The following ITIH2 variants were observed in gnomAD, a reference collection of about 807,000 sequenced individuals.
ITIH2 encodes inter-alpha-trypsin inhibitor heavy chain H2.
ITIH2 carries 103 observed loss-of-function variants against 104.4 expected under a neutral mutation model. The observed-to-expected ratio is 0.99, with a 90% CI of 0.84 to 1.16. The LOEUF (loss-of-function observed/expected upper bound fraction) is 1.16, where lower values mean the gene tolerates loss of function less well. ITIH2 is among the 50% of genes most tolerant of loss of function. The pLI, the probability that ITIH2 is intolerant of heterozygous loss-of-function variation, is 0.00. For synonymous variants in ITIH2, 436 were observed against 435.4 expected, an observed-to-expected ratio of 1.00 and a Z score of -0.02; for missense variants, 1,108 against 1,162.4, an observed-to-expected ratio of 0.95 and a Z score of 0.68.
intron 2 of ITIH2, among the ~76,000 whole-genome samples, chr10:7,706,629 C>A (rs1352015865): frequency 6.6e-6 from 1 of 152,142 alleles, no homozygotes; most frequent in East Asian, 1.9e-4. Context: ...CATTATGAAA[C>A]AAGGTGAGCA....
chr10:7,735,015 G>C lies in ITIH2; in HGVS notation c.1881G>C (p.Ser627=). ...ACCACATTGTGACTCCGCTGACCTC[G>C]CTGGTGATCGAGAACGAGGCTGGGG... The part of the protein sequence containing the change: ...LDHHIVTPLT[S]LVIENEAGDE... Residue 627 remains serine, a synonymous_variant, in exon 15 of 21, where the codon TCG becomes TCC. Coordinates refer to ENST00000358415, the MANE Select transcript of ITIH2 (RefSeq NM_002216.3). The C allele has an allele frequency of 6.2e-7, 1 of 1,613,704 alleles. No individual in the cohort carries two copies. Among genetic ancestry groups the C allele is most frequent in the Non-Finnish European group, 8.5e-7 (1 of 1,180,024 alleles).
chr10:7,717,847 A>T (rs929312705), intron 6 of ITIH2, 59 bp downstream of exon 6: 1 of 1,512,014 alleles, frequency 6.6e-7, no homozygotes, highest in Non-Finnish European at 9.1e-7. Flanking sequence ...TCTGACCCTG[A>T]TTTATACTTT....
chr10:7,744,332 A>G (rs1365934722), intron 18 of ITIH2, 52 bp downstream of exon 18: 24 of 1,394,312 alleles, frequency 1.7e-5, no homozygotes, highest in Admixed American at 3.7e-5. Context: ...ACGACTGCAT[A>G]AATAAATCCA....
intron 1 of ITIH2, among the ~76,000 whole-genome samples, chr10:7,704,842 G>A (rs1834730029): frequency 6.6e-6 from 1 of 151,516 alleles, no homozygotes; most frequent in Non-Finnish European, 1.5e-5. Flanking sequence ...AACACCGCAT[G>A]TTCTCACTCA....
chr10:7,746,839 G>A lies in ITIH2; in HGVS notation c.2693+135G>A, dbSNP rs544334839. ...ACTAAGCAGTTCATTAGGAATAGAC[G>A]CACACAGCATTCGCATAAGGACACT... On this transcript the variant is annotated intron_variant, in intron 20 of 20. Transcript: ENST00000358415. 80 of 592,878 alleles carry A rather than the reference G, an allele frequency of 1.3e-4. 2 individuals are homozygous for A. The South Asian group carries it at 1.7e-3, about 13-fold the overall frequency. The allele number at this position is 592,878 out of a possible 1,614,324, so 36.7% of individuals were successfully genotyped here.
chr10:7,720,807 G>T, intron 6 of ITIH2, 49 bp from the exon 7 acceptor site: 2 of 1,166,256 alleles, frequency 1.7e-6, no homozygotes, highest in Non-Finnish European at 2.6e-6. Context: ...TGCTTAAAAA[G>T]ACTTTAAAGA....
chr10:7,705,296 A>G, intron 2 of ITIH2, 114 bp downstream of exon 2: 1 of 771,312 alleles, frequency 1.3e-6, no homozygotes, highest in Non-Finnish European at 2.2e-6. Context: ...GTTTTTTAGC[A>G]CAGAAGAGTC....
At chr10:7,716,256 C>T (rs1346507050) in intron 5 of ITIH2, among the ~76,000 whole-genome samples, 2 of 152,166 alleles carry the variant, frequency 1.3e-5, no homozygotes, top group Admixed American at 6.5e-5. Flanking sequence ...GCTAGGATTA[C>T]AGGCATGAGC....
At chr10:7,723,967 T>C (rs1264077027) in intron 9 of ITIH2, among the ~76,000 whole-genome samples, 1 of 152,258 alleles carries the variant, frequency 6.6e-6, no homozygotes, top group Non-Finnish European at 1.5e-5. Context: ...TGTTTTATTA[T>C]AATATCTTGT....
Position 7,720,867 on chromosome 10 carries a change from G to T in ITIH2, c.642G>T (p.Trp214Cys), listed in dbSNP as rs539034358. ...TCTTGCATCTCTAGGTAGATGTGTG[G>T]GTTATCGAACCACAGGGACTGAGAT... The part of the protein sequence containing the change: ...RLAKHLEVDV[W>C]VIEPQGLRFL... The change falls in exon 7 of 21, where the codon TGG becomes TGT. Residue 214 changes from tryptophan to cysteine, a missense_variant. Transcript: ENST00000358415. The T allele has an allele frequency of 1.0e-5, 16 of 1,606,822 alleles. No individual in the cohort carries two copies. The South Asian group carries it at 1.5e-4, about 15-fold the overall frequency.
intron 1 of ITIH2, 82 bp from the exon 2 acceptor site, chr10:7,705,026 A>T: frequency 1.1e-6 from 1 of 877,956 alleles, no homozygotes; most frequent in Non-Finnish European, 1.8e-6. Context: ...CCTATGTAAC[A>T]AATCTGCACG....
At chr10:7,722,774 G>A (rs984439962) in intron 8 of ITIH2, among the ~76,000 whole-genome samples, 3 of 152,312 alleles carry the variant, frequency 2.0e-5, no homozygotes, top group East Asian at 3.9e-4. Flanking sequence ...AGATGCACAC[G>A]GGGCTCTTGC....
chr10:7,744,846 A>C lies in ITIH2; in HGVS notation c.2464A>C (p.Met822Leu). The change falls in exon 19 of 21, where the codon ATG becomes CTG. Residue 822 changes from methionine (M) to leucine (L), a missense_variant. By Grantham distance (15) the Met-to-Leu change is conservative. Coordinates refer to ENST00000358415, the MANE Select transcript of ITIH2 (RefSeq NM_002216.3). Reference protein sequence around the residue: ...KVVTITLDKEMSFSVLLHRVW... With the variant: ...KVVTITLDKELSFSVLLHRVW... ...GGTAACTATCACCCTGGATAAAGAG[A>C]TGTCCTTTTCTGTTTTACTTCATCG... 1 of 1,614,052 alleles carries C rather than the reference A, an allele frequency of 6.2e-7. No individual in the cohort carries two copies. The highest frequency in any genetic ancestry group is 8.5e-7 in the Non-Finnish European group (1 of 1,179,964).
chr10:7,722,947 G>A (rs1234524608), intron 8 of ITIH2, among the ~76,000 whole-genome samples: 1 of 151,866 alleles, frequency 6.6e-6, no homozygotes, highest in East Asian at 1.9e-4. Context: ...TGTAAAGACT[G>A]AGTGATGTGG....
chr10:7,703,651 G>T, intron 1 of ITIH2, 133 bp downstream of exon 1: 1 of 632,864 alleles, frequency 1.6e-6, no homozygotes, highest in Non-Finnish European at 2.8e-6. Context: ...GAGTGCAAGT[G>T]TTTACTGTTA....
intron 8 of ITIH2, among the ~76,000 whole-genome samples, chr10:7,723,000 T>A (rs1015857471): frequency 1.3e-5 from 2 of 150,050 alleles, no homozygotes; most frequent in African/African-American, 4.9e-5. Flanking sequence ...TGGAGTGGCG[T>A]GAAGTCGGGT....
intron 3 of ITIH2, among the ~76,000 whole-genome samples, chr10:7,708,549 G>C (rs534167353): frequency 4.6e-5 from 7 of 152,242 alleles, no homozygotes; most frequent in South Asian, 4.1e-4. Flanking sequence ...GAGCTGTAAG[G>C]GGGGGTTGGT....
chr10:7,745,306 T>C (rs1005971579), intron 19 of ITIH2, among the ~76,000 whole-genome samples: 3 of 152,190 alleles, frequency 2.0e-5, no homozygotes, highest in Non-Finnish European at 4.4e-5. Flanking sequence ...CAAATGTCCC[T>C]AGTATTTTAA....
chr10:7,743,589 A>G lies in ITIH2; in HGVS notation c.2209+330A>G, dbSNP rs1306122891. Among the ~76,000 whole-genome samples, 8 of 151,948 alleles carry G rather than the reference A, an allele frequency of 5.3e-5. No individual in the cohort carries two copies. The East Asian group carries it at 1.5e-3, about 29-fold the overall frequency. ...AAGAGTTCGAGACCAGCCTGGTCAAAATGATGAAACCCCACCCCCCACTAC... is the reference window on the plus strand; with the variant it reads ...AAGAGTTCGAGACCAGCCTGGTCAAGATGATGAAACCCCACCCCCCACTAC... On this transcript the variant is annotated intron_variant, in intron 17 of 20. Coordinates refer to ENST00000358415, the MANE Select transcript of ITIH2 (RefSeq NM_002216.3).
Sources: gnomAD v4.1 joint callset for allele counts (sites outside exome capture counted in the v4.1 genomes callset) on GRCh38, gnomAD v4.1.1 for gene constraint, MANE v1.5 for transcripts, NCBI Gene and HGNC (gene_info 2026-07-23, HGNC 2026-07-21) for gene names.